Variants in KCNIP4 observed in about 807,000 individuals in gnomAD.
KCNIP4 encodes the protein Kv channel-interacting protein 4.
A neutral mutation model predicts 34.0 loss-of-function variants in KCNIP4; 12 were observed. The observed-to-expected ratio is 0.35, with a 90% confidence interval of 0.23 to 0.57. The LOEUF is 0.57. Ranked by LOEUF, KCNIP4 falls within the 20% of genes least tolerant of loss-of-function variation. The pLI is 0.83. For missense variants in KCNIP4, 238 were observed against 311.7 expected (o/e 0.76, Z 1.78); for synonymous variants, 124 against 102.2 (o/e 1.21, Z -1.29).
chr4:20,953,651 G>A (rs1733014724), intron 1 of KCNIP4, among the ~76,000 whole-genome samples: 1 of 152,110 alleles, frequency 6.6e-6, no homozygotes, highest in African/African-American at 2.4e-5. Flanking sequence ...TCCATCTTGG[G>A]TGACAGAGAG....
intron 1 of KCNIP4, among the ~76,000 whole-genome samples, chr4:21,739,393 GA>G (rs949650412): frequency 2.0e-5 from 3 of 151,978 alleles, no homozygotes; most frequent in African/African-American, 7.2e-5. Flanking sequence ...TTCAGGATTT[GA>G]AAATTGAATC....
At chr4:21,604,989 C>A (rs113698345) in intron 1 of KCNIP4, among the ~76,000 whole-genome samples, 14 of 152,262 alleles carry the variant, frequency 9.2e-5, no homozygotes, top group African/African-American at 3.4e-4. Flanking sequence ...TGTTGTTCCT[C>A]TGGCATTTTC....
At chr4:21,149,344 A>G (rs1298909142) in intron 1 of KCNIP4, among the ~76,000 whole-genome samples, 4 of 152,172 alleles carry the variant, frequency 2.6e-5, no homozygotes, top group African/African-American at 7.2e-5. Flanking sequence ...AGCTCCAAAA[A>G]CCACATAACT....
intron 1 of KCNIP4, among the ~76,000 whole-genome samples, chr4:21,776,858 G>A (rs1238624252): frequency 2.0e-5 from 3 of 152,044 alleles, no homozygotes; most frequent in East Asian, 1.9e-4. Flanking sequence ...CGCCTCTCAG[G>A]TTCAAGCAAC....
At chr4:20,933,984 A>G (rs1178568562) in intron 1 of KCNIP4, among the ~76,000 whole-genome samples, 1 of 152,176 alleles carries the variant, frequency 6.6e-6, no homozygotes, top group Non-Finnish European at 1.5e-5. Flanking sequence ...TTGAAGTGAA[A>G]AAAGGTTTTG....
rs144134477 is a variant in KCNIP4 at position 21,141,872 on chromosome 4, A to C, written c.62-259163T>G. 7.5e-3 allele frequency among the ~76,000 whole-genome samples: 1,138 copies of C among 152,044 alleles called. 21 individuals are homozygous for C. The highest frequency in any genetic ancestry group is 0.025 in the African/African-American group (1,051 of 41,504). ...AGACAACAGAAAATAACAACAAAAA[A>C]AAAAAACCCTGGCTCAAGTCTGTAA... On this transcript the variant is annotated intron_variant, in intron 1 of 8. Coordinates refer to ENST00000382152, the MANE Select transcript of KCNIP4 (RefSeq NM_025221.6).
intron 1 of KCNIP4, among the ~76,000 whole-genome samples, chr4:21,049,951 C>A (rs1742780922): frequency 6.6e-6 from 1 of 152,188 alleles, no homozygotes; most frequent in Non-Finnish European, 1.5e-5. Context: ...GACTCTCATG[C>A]ATCTTGCAGC....
chr4:21,210,938 T>C (rs544338253), intron 1 of KCNIP4, among the ~76,000 whole-genome samples: 1 of 152,308 alleles, frequency 6.6e-6, no homozygotes, highest in East Asian at 1.9e-4. Context: ...TATATATTTT[T>C]TAGAATTTTT....
intron 1 of KCNIP4, among the ~76,000 whole-genome samples, chr4:21,563,205 T>G (rs1250895642): frequency 6.6e-6 from 1 of 152,056 alleles, no homozygotes; most frequent in Non-Finnish European, 1.5e-5. Flanking sequence ...TTGTATATAT[T>G]GGCAGAAGGA....
chr4:21,060,143 G>A (rs1743786372), intron 1 of KCNIP4, among the ~76,000 whole-genome samples: 1 of 151,998 alleles, frequency 6.6e-6, no homozygotes, highest in African/African-American at 2.4e-5. Context: ...TGGTATTAGA[G>A]GTACCTGCTT....
At chr4:21,501,984 CA>C in intron 1 of KCNIP4, among the ~76,000 whole-genome samples, 1 of 115,972 alleles carries the variant, frequency 8.6e-6, no homozygotes, top group South Asian at 2.6e-4. Flanking sequence ...CTCTCTCTCT[CA>C]TGCACACGCA....
chr4:20,864,099 C>CATATCCAT, intron 2 of KCNIP4, among the ~76,000 whole-genome samples: 1 of 146,918 alleles, frequency 6.8e-6, no homozygotes, highest in African/African-American at 2.5e-5. Flanking sequence ...TGCATGTATA[C>CATATCCAT]GTATGTATGT....
At chr4:20,967,273 T>A (rs1027254724) in intron 1 of KCNIP4, among the ~76,000 whole-genome samples, 8 of 152,096 alleles carry the variant, frequency 5.3e-5, no homozygotes. Flanking sequence ...TGAAAGATAT[T>A]ACTCTCTCGA....
chr4:21,317,795 A>G (rs879802959), intron 1 of KCNIP4, among the ~76,000 whole-genome samples: 2 of 152,112 alleles, frequency 1.3e-5, no homozygotes, highest in Non-Finnish European at 2.9e-5. Flanking sequence ...TGTTCTCATG[A>G]TAGTGAATAA....
intron 1 of KCNIP4, among the ~76,000 whole-genome samples, chr4:21,401,568 A>T (rs955679638): frequency 6.6e-6 from 1 of 152,196 alleles, no homozygotes; most frequent in African/African-American, 2.4e-5. Context: ...TCAGATATAA[A>T]TGTAGCAAGA....
At chr4:21,871,260 C>T (rs184214981) in intron 1 of KCNIP4, among the ~76,000 whole-genome samples, 10,466 of 116,522 alleles carry the variant, frequency 0.09, 526 homozygotes, top group Middle Eastern at 0.12. Context: ...CCTCCCCGCT[C>T]CCCACCTCCC....
chr4:21,054,414 G>T (rs1412046449), intron 1 of KCNIP4, among the ~76,000 whole-genome samples: 2 of 151,884 alleles, frequency 1.3e-5, no homozygotes, highest in Admixed American at 1.3e-4. Context: ...AGCTACTCAG[G>T]AGGCTGAGAC....
At chr4:21,010,435 T>A (rs1738967314) in intron 1 of KCNIP4, among the ~76,000 whole-genome samples, 1 of 152,178 alleles carries the variant, frequency 6.6e-6, no homozygotes, top group South Asian at 2.1e-4. Flanking sequence ...GCAGAGCACC[T>A]TTTTTTAATT....
intron 1 of KCNIP4, among the ~76,000 whole-genome samples, chr4:21,866,371 C>A (rs1725414095): frequency 6.6e-6 from 1 of 152,204 alleles, no homozygotes; most frequent in Admixed American, 6.5e-5. Flanking sequence ...AAGCAGAAAG[C>A]AGCTCCACTA....
Sources: allele counts gnomAD v4.1 joint callset (sites outside exome capture counted in the v4.1 genomes callset), GRCh38; gene constraint gnomAD v4.1.1; transcripts MANE v1.5; gene names NCBI Gene and HGNC (gene_info 2026-07-23, HGNC 2026-07-21).